The following ST6GALNAC1 variants were observed in gnomAD, a reference collection of about 807,000 sequenced individuals.
ST6GALNAC1 encodes the protein ST6 N-acetylgalactosaminide alpha-2,6-sialyltransferase 1, also known as alpha-N-acetylgalactosaminide alpha-2,6-sialyltransferase 1.
Under a neutral mutation model 56.8 loss-of-function variants are expected in ST6GALNAC1, and 45 were observed. The ratio of observed to expected loss-of-function variants is 0.79; its 90% CI spans 0.62 to 1.02. The LOEUF (loss-of-function observed/expected upper bound fraction) is 1.02. Among genes scored for constraint, ST6GALNAC1 ranks in the 50% least tolerant of loss-of-function variants. The pLI is 0.00. For synonymous variants in ST6GALNAC1, 295 were observed against 297.8 expected, an observed-to-expected ratio of 0.99 and a Z score of 0.10; for missense variants, 743 against 754.8, an observed-to-expected ratio of 0.98 and a Z score of 0.18.
chr17:76,626,827 A>C (rs1372762428), intron 4 of ST6GALNAC1, 38 bp from the exon 5 acceptor site: 1 of 1,610,632 alleles, frequency 6.2e-7, no homozygotes, highest in Admixed American at 1.7e-5. Context: ...ACAGGTGAGC[A>C]GAGGAGGGAG....
At position 76,627,089 on chromosome 17, in the gene ST6GALNAC1, C is replaced by T; in HGVS notation, c.1150G>A (p.Asp384Asn). The T allele has an allele frequency of 6.4e-7, 1 of 1,565,932 alleles. No individual in the cohort carries two copies. Among genetic ancestry groups the T allele is most frequent in the Middle Eastern group, 1.7e-4 (1 of 5,762 alleles). Residue 384 changes from aspartate to asparagine, a missense_variant, in exon 4 of 9, where the codon GAC becomes AAC. Physicochemically the swap from Asp to Asn is conservative, Grantham distance 23. Transcript: ENST00000156626. The surrounding 1 kb of genome is among the most constrained non-coding windows in gnomAD (Gnocchi z 4.4). Reference sequence around the variant, plus strand: ...TACCGGAACACGTAGTCGTGACTGTCTATCTCCTGGCCCATGTGGGAGTTG... The same window carrying T: ...TACCGGAACACGTAGTCGTGACTGTTTATCTCCTGGCCCATGTGGGAGTTG... ...LNNSHMGQEI[D>N]SHDYVFRLSG... is the part of the protein sequence containing the mutation.
chr17:76,630,326 C>T (rs1180187159), intron 1 of ST6GALNAC1, among the ~76,000 whole-genome samples: 1 of 152,158 alleles, frequency 6.6e-6, no homozygotes, highest in Non-Finnish European at 1.5e-5. Context: ...CCGGCCAAGG[C>T]AATATGGGAA....
intron 1 of ST6GALNAC1, among the ~76,000 whole-genome samples, chr17:76,637,095 C>A (rs2075985127): frequency 6.6e-6 from 1 of 151,582 alleles, no homozygotes; most frequent in Admixed American, 6.6e-5. Flanking sequence ...GTCATCACCA[C>A]TCCCTAATCT....
chr17:76,621,182 C>CCTTTTTTTTTTTTT (rs1555633321), downstream of ST6GALNAC1, among the ~76,000 whole-genome samples: 1 of 105,326 alleles, frequency 9.5e-6, no homozygotes, highest in African/African-American at 3.5e-5. Context: ...TTCTTTCTTT[C>CCTTTTTTTTTTTTT]TTTCTTTTTT....
At chr17:76,626,891 G>T in intron 4 of ST6GALNAC1, 102 bp from the exon 5 acceptor site, 2 of 1,527,548 alleles carry the variant, frequency 1.3e-6, no homozygotes, top group Non-Finnish European at 1.8e-6. Context: ...CAGCAGTTAT[G>T]TGCGGAAATT....
the ST6GALNAC1 span, among the ~76,000 whole-genome samples, chr17:76,618,334 C>G: frequency 6.6e-6 from 1 of 152,118 alleles, no homozygotes; most frequent in East Asian, 1.9e-4. Context: ...AATTTGCCAA[C>G]TTGTCTGTCA....
chr17:76,628,651 C>T (rs574819311), intron 2 of ST6GALNAC1, among the ~76,000 whole-genome samples: 414 of 152,274 alleles, frequency 2.7e-3, no homozygotes, highest in African/African-American at 9.5e-3. Flanking sequence ...CTGCAGCCCC[C>T]GCGAGAGGAT....
At chr17:76,635,240 A>G (rs2075960485) in intron 1 of ST6GALNAC1, among the ~76,000 whole-genome samples, 1 of 152,138 alleles carries the variant, frequency 6.6e-6, no homozygotes, top group African/African-American at 2.4e-5. Context: ...TGCTCATCAT[A>G]CTTCAGTGGC....
chr17:76,642,632 A>G (rs748167259), intron 1 of ST6GALNAC1, among the ~76,000 whole-genome samples: 1 of 152,132 alleles, frequency 6.6e-6, no homozygotes. Flanking sequence ...GTTTAGGAAC[A>G]GTGAAATGAA....
intron 1 of ST6GALNAC1, among the ~76,000 whole-genome samples, chr17:76,642,505 C>T (rs1003832445): frequency 2.6e-5 from 4 of 152,144 alleles, no homozygotes; most frequent in Admixed American, 2.0e-4. Context: ...CCTCAAGTGT[C>T]AAGAGTGGTC....
downstream of ST6GALNAC1, among the ~76,000 whole-genome samples, chr17:76,621,822 C>T (rs539000043): frequency 6.6e-6 from 1 of 152,144 alleles, no homozygotes; most frequent in Non-Finnish European, 1.5e-5. Flanking sequence ...TCTATAAGTA[C>T]TGCCTACCCA....
chr17:76,643,716 A>C lies in ST6GALNAC1; in HGVS notation c.-78T>G. On this transcript the variant is annotated 5_prime_UTR_variant, in exon 1 of 9. Coordinates refer to ENST00000156626, the MANE Select transcript of ST6GALNAC1 (RefSeq NM_018414.5). The stretch of plus-strand genomic sequence containing the variant: ...TAGGCAGCTGGGAGTCTCACCGCTC[A>C]GGTTTCCTGGCCAGGAAGTGCACAC... The C allele has an allele frequency of 6.8e-7, 1 of 1,479,920 alleles. No individual in the cohort carries two copies. Among genetic ancestry groups the C allele is most frequent in the Non-Finnish European group, 9.3e-7 (1 of 1,074,556 alleles). The allele number at this position is 1,479,920 out of a possible 1,614,324, so 91.7% of individuals were successfully genotyped here.
intron 1 of ST6GALNAC1, among the ~76,000 whole-genome samples, chr17:76,640,502 A>G (rs1332972296): frequency 6.6e-6 from 1 of 151,950 alleles, no homozygotes; most frequent in Non-Finnish European, 1.5e-5. Flanking sequence ...GAGGACTCTA[A>G]CCCTCTGAGT....
Position 76,630,647 on chromosome 17 carries a change from G to A in ST6GALNAC1, c.132-936C>T, listed in dbSNP as rs183821861. ...GTCACCCAAGCTGGAGTGCAGTGGC[G>A]CGATCTTGGCTCACTGCACCCTCCA... On this transcript the variant is annotated intron_variant, in intron 1 of 8. Coordinates refer to ENST00000156626, the MANE Select transcript of ST6GALNAC1 (RefSeq NM_018414.5). 7.7e-3 allele frequency among the ~76,000 whole-genome samples: 1,149 copies of A among 148,436 alleles called. 20 individuals are homozygous for A. The highest frequency in any genetic ancestry group is 0.027 in the African/African-American group (1,062 of 40,054).
chr17:76,631,101 G>A lies in ST6GALNAC1; in HGVS notation c.132-1390C>T, dbSNP rs954475108. ...TGTGTGTGTGTGTGTGTGTGTGCACGCGTGCGCGAGCACTTGTGTGTGTTT... is the reference window on the plus strand; with the variant it reads ...TGTGTGTGTGTGTGTGTGTGTGCACACGTGCGCGAGCACTTGTGTGTGTTT... On this transcript the variant is annotated intron_variant, in intron 1 of 8. Transcript: ENST00000156626. 1.7e-4 allele frequency among the ~76,000 whole-genome samples: 25 copies of A among 148,092 alleles called. 1 individual carries two copies. The highest frequency in any genetic ancestry group is 6.5e-4 in the South Asian group (3 of 4,644).
At chr17:76,623,821 G>A (rs6501911), downstream of ST6GALNAC1, among the ~76,000 whole-genome samples, 76,548 of 152,000 alleles carry the variant, frequency 0.5, 19,628 homozygotes, top group East Asian at 0.78. Context: ...GTAACACTCG[G>A]TGAGGCTCAG....
At position 76,625,992 on chromosome 17, in the gene ST6GALNAC1, C is replaced by T; in HGVS notation, c.1505+14G>A. The T allele has an allele frequency of 1.2e-6, 2 of 1,613,790 alleles. No individual in the cohort carries two copies. The highest frequency in any genetic ancestry group is 2.2e-5 in the South Asian group (2 of 91,048). ...AGGGACCTGGGCTACGTGTCACGTG[C>T]TTTCTGCTCTAACCTGTTCTTCATG... is the stretch of plus-strand genomic sequence containing the variant. On this transcript the variant is annotated intron_variant, in intron 7 of 8. Coordinates refer to ENST00000156626, the MANE Select transcript of ST6GALNAC1 (RefSeq NM_018414.5).
downstream of ST6GALNAC1, among the ~76,000 whole-genome samples, chr17:76,621,442 A>C (rs961594273): frequency 4.0e-5 from 6 of 149,900 alleles, no homozygotes; most frequent in African/African-American, 1.5e-4. Flanking sequence ...TGGCCTCCCA[A>C]AGTGCTGGGA....
At chr17:76,636,226 T>G (rs1286751763) in intron 1 of ST6GALNAC1, among the ~76,000 whole-genome samples, 1 of 152,146 alleles carries the variant, frequency 6.6e-6, no homozygotes, top group Non-Finnish European at 1.5e-5. Flanking sequence ...TGAAATGTTA[T>G]TTGTTTCCCT....
Sources: gnomAD v4.1 joint callset for allele counts (sites outside exome capture counted in the v4.1 genomes callset) on GRCh38, gnomAD v4.1.1 for gene constraint, Gnocchi (gnomAD v3.1) non-coding constraint, MANE v1.5 for transcripts, NCBI Gene and HGNC (gene_info 2026-07-23, HGNC 2026-07-21) for gene names.